The following DAPK2 variants were observed in gnomAD, a reference collection of about 807,000 sequenced individuals.
The protein encoded by DAPK2 is death associated protein kinase 2.
In DAPK2, 35 loss-of-function variants were observed where a neutral mutation model predicts 44.1. That is an observed-to-expected ratio of 0.79 (90% CI 0.61 to 1.05). The LOEUF is 1.05. Ranked by LOEUF, DAPK2 falls within the 50% of genes least tolerant of loss-of-function variation. The probability of loss-of-function intolerance (pLI) is 0.00; values close to 1 mark genes in which losing one functional copy is unlikely to be tolerated. For missense variants in DAPK2, 453 were observed against 483.2 expected, an observed-to-expected ratio of 0.94 and a Z score of 0.59; for synonymous variants, 174 against 182.6, an observed-to-expected ratio of 0.95 and a Z score of 0.38.
chr15:63,922,987 G>A, intron 8 of DAPK2: 4 of 1,535,908 alleles, frequency 2.6e-6, no homozygotes, highest in African/African-American at 1.4e-5. Flanking sequence ...TGGCCTGGAT[G>A]TCTTCTCGCA....
At chr15:64,035,820 T>C (rs1379482926) in intron 1 of DAPK2, among the ~76,000 whole-genome samples, 1 of 152,218 alleles carries the variant, frequency 6.6e-6, no homozygotes, top group Non-Finnish European at 1.5e-5. Context: ...CACTCAGCGC[T>C]GGAAGCTAGA....
At chr15:63,935,512 C>T (rs1267863824) in intron 4 of DAPK2, 2 of 152,134 alleles carry the variant, frequency 1.3e-5, no homozygotes, top group Admixed American at 6.5e-5. Context: ...GAGAAATATG[C>T]TGTAGATCTA....
intron 3 of DAPK2, among the ~76,000 whole-genome samples, chr15:63,952,889 A>T (rs1229533120): frequency 2.0e-5 from 3 of 152,102 alleles, no homozygotes; most frequent in Non-Finnish European, 4.4e-5. Context: ...ATACTAGATC[A>T]TCTTCATTTA....
chr15:64,008,874 G>A (rs1311702754), intron 1 of DAPK2, among the ~76,000 whole-genome samples: 1 of 152,204 alleles, frequency 6.6e-6, no homozygotes, highest in Non-Finnish European at 1.5e-5. Flanking sequence ...GGGTGTACTT[G>A]AGGGACAGGC....
intron 1 of DAPK2, among the ~76,000 whole-genome samples, chr15:64,025,188 C>T (rs982827321): frequency 2.6e-5 from 4 of 152,138 alleles, no homozygotes; most frequent in Non-Finnish European, 5.9e-5. Flanking sequence ...GGTTTAAATC[C>T]CAGCTCAGAC....
chr15:64,020,917 G>A lies in DAPK2; in HGVS notation c.92+19253C>T, dbSNP rs1341835987. Among the ~76,000 whole-genome samples the A allele has an allele frequency of 6.6e-6, 1 of 152,232 alleles. No homozygotes were observed. Among genetic ancestry groups the A allele is most frequent in the East Asian group, 1.9e-4 (1 of 5,202 alleles). On this transcript the variant is annotated intron_variant, in intron 1 of 10. Transcript: ENST00000261891. The surrounding 1 kb of genome is among the most constrained non-coding windows in gnomAD (Gnocchi z 4.5). ...TGCCACCAAAATGCCTTGTGACCCA[G>A]AGACAGAAAGTGCCTTGCCCAGGTG...
exon 5 of DAPK2, chr15:63,930,432 G>C (rs960715632): frequency 1.2e-6 from 2 of 1,614,082 alleles, no homozygotes; most frequent in African/African-American, 2.7e-5. Flanking sequence ...AGACCCAGGG[G>C]CTCGTAGTTC....
intron 8 of DAPK2, chr15:63,918,772 G>C (rs1249561380): frequency 6.6e-6 from 1 of 152,362 alleles, no homozygotes; most frequent in African/African-American, 2.4e-5. Flanking sequence ...TTGAACCTGG[G>C]AGGCAGAGGT....
chr15:64,028,045 T>TCTATATATCTAC (rs1555483132), intron 1 of DAPK2, among the ~76,000 whole-genome samples: 2 of 151,796 alleles, frequency 1.3e-5, no homozygotes, highest in African/African-American at 4.8e-5. Context: ...TATCTATCTA[T>TCTATATATCTAC]CTATCTATCT....
At chr15:63,968,214 T>C (rs931965399) in intron 3 of DAPK2, among the ~76,000 whole-genome samples, 1 of 152,204 alleles carries the variant, frequency 6.6e-6, no homozygotes, top group Admixed American at 6.5e-5. Context: ...TACCCGATCC[T>C]GAGGTAATCC....
At chr15:63,960,103 AT>A (rs1355216198) in intron 3 of DAPK2, among the ~76,000 whole-genome samples, 1 of 152,202 alleles carries the variant, frequency 6.6e-6, no homozygotes, top group Non-Finnish European at 1.5e-5. Flanking sequence ...GTGTCCAGGA[AT>A]TTATCCATTT....
At chr15:63,975,575 C>T (rs2078321394) in intron 2 of DAPK2, among the ~76,000 whole-genome samples, 2 of 150,954 alleles carry the variant, frequency 1.3e-5, no homozygotes, top group Non-Finnish European at 2.9e-5. Flanking sequence ...CTACAGCATA[C>T]TGAGTATTGC....
intron 1 of DAPK2, among the ~76,000 whole-genome samples, chr15:64,015,167 G>A (rs1262983939): frequency 6.6e-6 from 1 of 152,180 alleles, no homozygotes; most frequent in Non-Finnish European, 1.5e-5. Flanking sequence ...CTGCAGTCTG[G>A]CAGGAGAACA....
chr15:64,004,932 C>G (rs2140987607), intron 1 of DAPK2, among the ~76,000 whole-genome samples: 1 of 152,286 alleles, frequency 6.6e-6, no homozygotes. Flanking sequence ...TCCTTCTACT[C>G]CCAGAGTTCC....
intron 1 of DAPK2, among the ~76,000 whole-genome samples, chr15:63,994,400 T>C (rs949157987): frequency 7.3e-6 from 1 of 136,594 alleles, no homozygotes; most frequent in African/African-American, 2.7e-5. Flanking sequence ...AAAAGAAGAA[T>C]GTTAAAAGAA....
Position 63,908,771 on chromosome 15 carries a change from G to T in DAPK2, c.1033-171C>A, listed in dbSNP as rs1411200395. ...CATCCAGGGGCTGGGGGATGGGAGG[G>T]ATCTGAAACGAGGCCAGACCAACTG... is the stretch of plus-strand genomic sequence containing the variant. On this transcript the variant is annotated intron_variant, in intron 10 of 10. Coordinates refer to ENST00000261891, the Ensembl canonical transcript of DAPK2. This position sits in a 1 kb window ranked among gnomAD's most constrained non-coding sequence, Gnocchi z 5.7. 19 of 459,132 alleles carry T rather than the reference G, an allele frequency of 4.1e-5. No individual in the cohort carries two copies. The highest frequency in any genetic ancestry group is 6.9e-5 in the Non-Finnish European group (18 of 262,220). 28.4% of individuals were successfully genotyped at this position (459,132 alleles called of 1,614,324 possible). A position where few individuals can be genotyped will look rare whatever the true frequency, so the allele number is the denominator to read the frequency against.
At chr15:64,007,450 C>T (rs1762370826) in intron 1 of DAPK2, among the ~76,000 whole-genome samples, 2 of 152,216 alleles carry the variant, frequency 1.3e-5, no homozygotes, top group South Asian at 2.1e-4. Context: ...AGCCAGAGCT[C>T]TCCATCCTCC....
rs12592107 is a variant in DAPK2, at chr15:64,034,859, T to C, written c.92+5311A>G. On this transcript the variant is annotated intron_variant, in intron 1 of 10. Transcript: ENST00000261891. ...AACAGAAACATCTTATGATTTTATG[T>C]TAATATAATATAAGTAAAGAAAATC... Among the ~76,000 whole-genome samples the C allele has an allele frequency of 7.9e-5, 12 of 152,292 alleles. No individual in the cohort carries two copies. In the East Asian group the frequency reaches 2.1e-3, roughly 27 times the overall value.
At chr15:64,010,885 C>T (rs1041256365) in intron 1 of DAPK2, among the ~76,000 whole-genome samples, 4 of 152,120 alleles carry the variant, frequency 2.6e-5, no homozygotes, top group South Asian at 2.1e-4. Context: ...ATGTCCTGAC[C>T]GCATCACAAG....
Sources: allele counts gnomAD v4.1 joint callset (sites outside exome capture counted in the v4.1 genomes callset), GRCh38; gene constraint gnomAD v4.1.1; non-coding constraint Gnocchi (gnomAD v3.1); transcripts MANE v1.5; gene names NCBI Gene and HGNC (gene_info 2026-07-23, HGNC 2026-07-21).